FER1L6: variants seen among roughly 807,000 people sequenced by gnomAD.
The protein encoded by FER1L6 is fer-1-like protein 6.
A neutral mutation model predicts 219.2 loss-of-function variants in FER1L6; 177 were observed. That is an observed-to-expected ratio of 0.81 (90% confidence interval 0.71 to 0.91). The LOEUF (loss-of-function observed/expected upper bound fraction) is 0.91. FER1L6 is among the 40% of genes least tolerant of loss of function. The probability of loss-of-function intolerance (pLI) is 0.00; values close to 1 mark genes in which losing one functional copy is unlikely to be tolerated. For missense variants in FER1L6, 2,153 were observed against 2,259.9 expected (o/e 0.95, Z 0.96); for synonymous variants, 768 against 824.3 (o/e 0.93, Z 1.17).
At chr8:123,922,974 C>G (rs191064137) in intron 1 of FER1L6, among the ~76,000 whole-genome samples, 14 of 56,664 alleles carry the variant, frequency 2.5e-4, no homozygotes, top group East Asian at 1.1e-3. Context: ...TTTATACAGC[C>G]CCCCCCCAGA....
intron 1 of FER1L6, among the ~76,000 whole-genome samples, chr8:123,868,331 G>A (rs1420264446): frequency 6.6e-6 from 1 of 152,104 alleles, no homozygotes; most frequent in Non-Finnish European, 1.5e-5. Flanking sequence ...CATTGAGGGA[G>A]GAATCAAAGA....
chr8:124,013,627 A>T (rs1818045670), intron 15 of FER1L6, 96 bp downstream of exon 15: 1 of 725,306 alleles, frequency 1.4e-6, no homozygotes, highest in Non-Finnish European at 2.2e-6. Context: ...ATGCATTCAA[A>T]TGGGTGTTTT....
At chr8:124,071,009 T>C (rs1821046197) in intron 30 of FER1L6, among the ~76,000 whole-genome samples, 1 of 152,224 alleles carries the variant, frequency 6.6e-6, no homozygotes, top group African/African-American at 2.4e-5. Flanking sequence ...ATAAACATAC[T>C]ACAAGCTGGG....
chr8:123,991,810 A>G (rs1429260054), intron 12 of FER1L6, among the ~76,000 whole-genome samples: 3 of 152,058 alleles, frequency 2.0e-5, no homozygotes, highest in Non-Finnish European at 4.4e-5. Flanking sequence ...CCCATTCAAT[A>G]TAATGTTGGC....
intron 21 of FER1L6, chr8:124,047,842 T>C (rs1406207414): frequency 6.6e-6 from 1 of 152,238 alleles, no homozygotes; most frequent in Admixed American, 6.5e-5. Flanking sequence ...CTCAGATTAA[T>C]GGAATCAGAA....
At chr8:124,075,748 A>C (rs2130888372) in intron 31 of FER1L6, among the ~76,000 whole-genome samples, 1 of 152,348 alleles carries the variant, frequency 6.6e-6, no homozygotes, top group South Asian at 2.1e-4. Flanking sequence ...ACTAGATCAT[A>C]GGAATTTTTC....
intron 32 of FER1L6, among the ~76,000 whole-genome samples, 158 bp downstream of exon 32, chr8:124,076,483 G>A (rs999167064): frequency 2.0e-5 from 3 of 152,156 alleles, no homozygotes; most frequent in Admixed American, 2.0e-4. Flanking sequence ...CCAAACCTAC[G>A]TCCATGGAGC....
chr8:124,092,140 TATAA>T (rs1190352937), intron 34 of FER1L6, among the ~76,000 whole-genome samples: 3 of 152,140 alleles, frequency 2.0e-5, no homozygotes, highest in African/African-American at 7.2e-5. Flanking sequence ...TTTACAGAAT[TATAA>T]ATAAACACAG....
chr8:124,082,071 G>A (rs1461973284), intron 32 of FER1L6, among the ~76,000 whole-genome samples: 1 of 152,178 alleles, frequency 6.6e-6, no homozygotes, highest in Admixed American at 6.5e-5. Flanking sequence ...CCCATGAAAA[G>A]GGGAGATTAT....
At chr8:123,946,550 G>A (rs975105419) in intron 1 of FER1L6, among the ~76,000 whole-genome samples, 8 of 152,106 alleles carry the variant, frequency 5.3e-5, no homozygotes, top group East Asian at 1.9e-4. Flanking sequence ...CACGGTGCCC[G>A]GGCTGCACAG....
intron 13 of FER1L6, among the ~76,000 whole-genome samples, chr8:124,007,409 G>GA (rs1444128128): frequency 1.3e-5 from 2 of 151,944 alleles, no homozygotes; most frequent in African/African-American, 4.8e-5. Flanking sequence ...AGGTGTTTGG[G>GA]AAAAAATTAC....
chr8:123,966,586 A>G (rs1169371841), intron 5 of FER1L6, among the ~76,000 whole-genome samples: 1 of 152,202 alleles, frequency 6.6e-6, no homozygotes, highest in African/African-American at 2.4e-5. Flanking sequence ...CCCTGGGTTT[A>G]TAGTCAATAA....
intron 1 of FER1L6, among the ~76,000 whole-genome samples, chr8:123,911,943 T>C (rs1813053945): frequency 6.6e-6 from 1 of 152,200 alleles, no homozygotes; most frequent in Non-Finnish European, 1.5e-5. Context: ...AAGTCTGCTA[T>C]CATAGCACAC....
intron 1 of FER1L6, among the ~76,000 whole-genome samples, chr8:123,856,316 GTATATATA>G (rs1554608009): frequency 1.8e-4 from 8 of 45,112 alleles, no homozygotes; most frequent in Non-Finnish European, 2.3e-4. Flanking sequence ...ATATGTATGT[GTATATATA>G]TATATATATA....
intron 1 of FER1L6, among the ~76,000 whole-genome samples, chr8:123,887,504 A>C (rs1187829743): frequency 6.6e-6 from 1 of 152,168 alleles, no homozygotes; most frequent in Non-Finnish European, 1.5e-5. Flanking sequence ...ACTTGGAAGA[A>C]CTGCCTTTGA....
At chr8:124,097,910 C>T (rs1447301668) in intron 37 of FER1L6, 27 bp downstream of exon 37, 1 of 1,184,086 alleles carries the variant, frequency 8.4e-7, no homozygotes, top group Non-Finnish European at 1.3e-6. Context: ...ACTCCAACCT[C>T]CCATTTCCTT....
intron 1 of FER1L6, among the ~76,000 whole-genome samples, chr8:123,944,676 G>T (rs962838011): frequency 1.2e-4 from 19 of 152,072 alleles, no homozygotes; most frequent in African/African-American, 2.9e-4. Flanking sequence ...GAGAAGTTAC[G>T]CATTTTGCTC....
intron 23 of FER1L6, 48 bp downstream of exon 23, chr8:124,060,338 G>A (rs998937274): frequency 1.3e-6 from 2 of 1,565,628 alleles, no homozygotes; most frequent in South Asian, 1.1e-5. Context: ...CTCAAGGGCA[G>A]TGGCCCCACC....
intron 19 of FER1L6, 89 bp from the exon 20 acceptor site, chr8:124,039,793 T>C (rs546055780): frequency 7.1e-6 from 11 of 1,538,690 alleles, no homozygotes; most frequent in East Asian, 6.8e-5. Context: ...TGTGGATACA[T>C]AGATGGACAT....
Sources: allele counts gnomAD v4.1 joint callset (sites outside exome capture counted in the v4.1 genomes callset), GRCh38; gene constraint gnomAD v4.1.1; transcripts MANE v1.5; gene names NCBI Gene and HGNC (gene_info 2026-07-23, HGNC 2026-07-21).